Variants in PPP1R9A observed in about 807,000 individuals in gnomAD.
PPP1R9A encodes the protein neurabin-1.
In PPP1R9A, 59 loss-of-function variants were observed where a neutral mutation model predicts 141.9. The observed-to-expected ratio is 0.42, with a 90% CI of 0.34 to 0.52. The LOEUF is 0.52. Ranked by LOEUF, PPP1R9A falls within the 20% of genes least tolerant of loss-of-function variation. PPP1R9A has a pLI of 0.10. For synonymous variants in PPP1R9A, 500 were observed against 569.7 expected (o/e 0.88, Z 1.74); for missense variants, 1,444 against 1,611.9 (o/e 0.90, Z 1.78).
At chr7:94,998,141 G>T (rs1264244176) in intron 2 of PPP1R9A, among the ~76,000 whole-genome samples, 1 of 151,940 alleles carries the variant, frequency 6.6e-6, no homozygotes, top group African/African-American at 2.4e-5. Context: ...TATTTTTCTT[G>T]TTTAGTGAGT....
chr7:95,113,027 G>GTAAT (rs1820840132), intron 3 of PPP1R9A, among the ~76,000 whole-genome samples: 1 of 152,102 alleles, frequency 6.6e-6, no homozygotes, highest in African/African-American at 2.4e-5. Context: ...TCACCACTAT[G>GTAAT]TAATATATCC....
chr7:95,007,374 G>A (rs1159976089), intron 2 of PPP1R9A, among the ~76,000 whole-genome samples: 1 of 152,078 alleles, frequency 6.6e-6, no homozygotes, highest in Admixed American at 6.6e-5. Flanking sequence ...GTACCTCCTC[G>A]CCCAATTTGT....
At chr7:94,914,217 C>T (rs1219059454) in intron 2 of PPP1R9A, among the ~76,000 whole-genome samples, 13 of 152,122 alleles carry the variant, frequency 8.5e-5, no homozygotes, top group Admixed American at 7.9e-4. Context: ...TCACTTTATT[C>T]TGTACTAGGT....
intron 4 of PPP1R9A, among the ~76,000 whole-genome samples, chr7:95,127,638 A>G (rs140710377): frequency 6.6e-6 from 1 of 152,030 alleles, no homozygotes; most frequent in African/African-American, 2.4e-5. Flanking sequence ...ATAGTACCCA[A>G]TAGTTAATTT....
intron 4 of PPP1R9A, among the ~76,000 whole-genome samples, chr7:95,147,144 A>G (rs1273396481): frequency 6.6e-6 from 1 of 152,064 alleles, no homozygotes. Flanking sequence ...ATGTTTTTCC[A>G]TTTGTTTGTG....
intron 2 of PPP1R9A, among the ~76,000 whole-genome samples, chr7:94,938,626 CTGTTTCAAATTG>C (rs1292633984): frequency 1.3e-5 from 2 of 152,028 alleles, no homozygotes; most frequent in Non-Finnish European, 2.9e-5. Context: ...TTGACTGGTC[CTGTTTCAAATTG>C]AATGATTATG....
chr7:95,038,606 G>A (rs1290613849), intron 2 of PPP1R9A, among the ~76,000 whole-genome samples: 3 of 152,124 alleles, frequency 2.0e-5, no homozygotes, highest in Admixed American at 1.3e-4. Context: ...ATGGGAGTAG[G>A]ATATTACTGC....
chr7:95,056,438 A>T (rs1049184943), intron 2 of PPP1R9A, among the ~76,000 whole-genome samples: 8 of 152,174 alleles, frequency 5.3e-5, no homozygotes, highest in Admixed American at 5.2e-4. Flanking sequence ...GCAGCATAGC[A>T]GATATATTTT....
chr7:95,232,466 A>C (rs1361941202), intron 8 of PPP1R9A, among the ~76,000 whole-genome samples: 1 of 152,126 alleles, frequency 6.6e-6, no homozygotes, highest in Non-Finnish European at 1.5e-5. Flanking sequence ...GCATAGGCAA[A>C]GACTTCATGA....
chr7:95,082,558 A>G (rs1012232652), intron 2 of PPP1R9A, among the ~76,000 whole-genome samples: 1 of 151,740 alleles, frequency 6.6e-6, no homozygotes, highest in African/African-American at 2.4e-5. Flanking sequence ...TGGGCAACAT[A>G]GCGAGACACT....
chr7:95,203,568 A>G, intron 6 of PPP1R9A, 97 bp from the exon 7 acceptor site: 1 of 858,308 alleles, frequency 1.2e-6, no homozygotes, highest in Non-Finnish European at 1.8e-6. Flanking sequence ...TGTGTATTAC[A>G]GTAAGCACTG....
At chr7:95,208,504 C>T (rs1194994183) in intron 7 of PPP1R9A, among the ~76,000 whole-genome samples, 2 of 151,908 alleles carry the variant, frequency 1.3e-5, no homozygotes, top group Admixed American at 1.3e-4. Flanking sequence ...GCAGGTGGAT[C>T]ACGAGGTCAG....
intron 2 of PPP1R9A, among the ~76,000 whole-genome samples, chr7:95,087,911 G>GA (rs796943272): frequency 0.012 from 1,449 of 116,460 alleles, 20 homozygotes; most frequent in African/African-American, 0.027. Context: ...AAGAGAGAGA[G>GA]AAAAAAAAAA....
intron 14 of PPP1R9A, 44 bp from the exon 15 acceptor site, chr7:95,273,855 A>G (rs1219786992): frequency 7.0e-7 from 1 of 1,425,890 alleles, no homozygotes. Context: ...TGTGACTTTA[A>G]AAATAATAAT....
At chr7:94,924,290 G>A (rs1322755137) in intron 2 of PPP1R9A, among the ~76,000 whole-genome samples, 4 of 152,108 alleles carry the variant, frequency 2.6e-5, no homozygotes, top group East Asian at 1.9e-4. Flanking sequence ...TTTGAGACGA[G>A]GCTTATGTTT....
At chr7:95,091,324 C>T (rs985190734) in intron 2 of PPP1R9A, among the ~76,000 whole-genome samples, 10 of 146,718 alleles carry the variant, frequency 6.8e-5, no homozygotes, top group Non-Finnish European at 3.0e-5. Context: ...TGTCTCTTTG[C>T]CTTGTTTTAA....
At chr7:95,132,346 T>G (rs1489307743) in intron 4 of PPP1R9A, among the ~76,000 whole-genome samples, 1 of 152,180 alleles carries the variant, frequency 6.6e-6, no homozygotes, top group Non-Finnish European at 1.5e-5. Context: ...TTTTGTTATT[T>G]TGAGGTATGT....
chr7:95,123,953 A>C (rs1823090404), intron 4 of PPP1R9A, among the ~76,000 whole-genome samples: 1 of 152,214 alleles, frequency 6.6e-6, no homozygotes. Context: ...AAAGGTGTAC[A>C]ACATAAGTAC....
At chr7:95,143,526 G>A (rs538183706) in intron 4 of PPP1R9A, among the ~76,000 whole-genome samples, 3 of 152,040 alleles carry the variant, frequency 2.0e-5, no homozygotes, top group Admixed American at 6.6e-5. Flanking sequence ...CTCTGCTTTC[G>A]AGTGTTTCTA....
Sources: allele counts gnomAD v4.1 joint callset (sites outside exome capture counted in the v4.1 genomes callset), GRCh38; gene constraint gnomAD v4.1.1; transcripts MANE v1.5; gene names NCBI Gene and HGNC (gene_info 2026-07-23, HGNC 2026-07-21).